The following SELP variants were observed in gnomAD, a reference collection of about 807,000 sequenced individuals.
SELP encodes selectin P, also known as P-selectin.
In SELP, 92 loss-of-function variants were observed where a neutral mutation model predicts 104.1. The ratio of observed to expected loss-of-function variants is 0.88; its 90% confidence interval spans 0.75 to 1.05. The LOEUF (loss-of-function observed/expected upper bound fraction) is 1.05. Ranked by LOEUF, SELP falls within the 50% of genes least tolerant of loss-of-function variation. The probability of loss-of-function intolerance (pLI) is 0.00; values close to 1 mark genes in which losing one functional copy is unlikely to be tolerated. For missense variants in SELP, 1,022 were observed against 1,017.3 expected (o/e 1.00, Z -0.06); for synonymous variants, 397 against 364.5 (o/e 1.09, Z -1.01).
intron 3 of SELP, among the ~76,000 whole-genome samples, chr1:169,615,889 A>G (rs1290051717): frequency 6.6e-6 from 1 of 152,148 alleles, no homozygotes; most frequent in African/African-American, 2.4e-5. Flanking sequence ...TTTAAAATCT[A>G]AAGAATTCAG....
intron 9 of SELP, among the ~76,000 whole-genome samples, chr1:169,604,606 C>T (rs1432573466): frequency 6.6e-6 from 1 of 152,202 alleles, no homozygotes; most frequent in Non-Finnish European, 1.5e-5. Flanking sequence ...TCCCTTCATT[C>T]CTTCCCCTCT....
intron 1 of SELP, among the ~76,000 whole-genome samples, chr1:169,626,228 G>A (rs1003187998): frequency 6.6e-6 from 1 of 152,220 alleles, no homozygotes; most frequent in Non-Finnish European, 1.5e-5. Flanking sequence ...GGTAGTGACA[G>A]ATCACATCGG....
intron 7 of SELP, among the ~76,000 whole-genome samples, chr1:169,610,778 C>T (rs1662482759): frequency 7.1e-6 from 1 of 141,344 alleles, no homozygotes; most frequent in Non-Finnish European, 1.5e-5. Context: ...GACTCTGTCT[C>T]AAAACAAACA....
Position 169,597,103 on chromosome 1 carries a change from A to G in SELP, c.1779T>C (p.Asn593=), listed in dbSNP as rs747978083. ...LDCSDTRGEF[N]VGSTCHFSCD... ...AAGAGAAATGGCAGGTGGAGCCAACATTGAATTCTCCACGAGTGTCAGAAC... is the reference window on the plus strand; with the variant it reads ...AAGAGAAATGGCAGGTGGAGCCAACGTTGAATTCTCCACGAGTGTCAGAAC... The change falls in exon 11 of 17, where the codon AAT becomes AAC. Residue 593 remains asparagine (N), a synonymous_variant. Coordinates refer to ENST00000263686, the MANE Select transcript of SELP (RefSeq NM_003005.4). 4.3e-6 allele frequency: 7 copies of G among 1,613,214 alleles called. No individual in the cohort carries two copies. Among genetic ancestry groups the G allele is most frequent in the Non-Finnish European group, 5.9e-6 (7 of 1,179,634 alleles).
At chr1:169,609,770 C>T in intron 7 of SELP, 81 bp from the exon 8 acceptor site, 1 of 1,291,846 alleles carries the variant, frequency 7.7e-7, no homozygotes, top group Non-Finnish European at 1.1e-6. Context: ...GATGCTATAT[C>T]TTTCCTGTCC....
chr1:169,590,326 G>T, intron 15 of SELP, 124 bp from the exon 16 acceptor site: 2 of 715,792 alleles, frequency 2.8e-6, no homozygotes, highest in Non-Finnish European at 2.4e-6. Flanking sequence ...CTTTAGAAAG[G>T]AAAGAAAAAT....
intron 15 of SELP, 37 bp downstream of exon 15, chr1:169,591,389 G>A (rs781749853): frequency 2.1e-6 from 3 of 1,462,050 alleles, no homozygotes; most frequent in Non-Finnish European, 2.8e-6. Context: ...AGTTAAGGTA[G>A]CAAAATTTAC....
chr1:169,616,667 GA>G (rs1238932617), intron 3 of SELP, among the ~76,000 whole-genome samples: 4 of 151,840 alleles, frequency 2.6e-5, no homozygotes, highest in Non-Finnish European at 5.9e-5. Flanking sequence ...ACACAGGGGT[GA>G]AAAAAAAGCT....
intron 16 of SELP, 61 bp downstream of exon 16, chr1:169,590,086 T>G (rs1296192420): frequency 8.8e-7 from 1 of 1,134,092 alleles, no homozygotes; most frequent in African/African-American, 1.6e-5. Flanking sequence ...TTAAGCTTTA[T>G]AGTCTTCCAT....
chr1:169,613,230 T>A, intron 4 of SELP, 116 bp from the exon 5 acceptor site: 1 of 957,464 alleles, frequency 1.0e-6, no homozygotes, highest in Non-Finnish European at 1.5e-6. Context: ...TCTAAACTTT[T>A]AACCCAAGCT....
intron 1 of SELP, among the ~76,000 whole-genome samples, chr1:169,620,322 T>G (rs1457537375): frequency 6.6e-6 from 1 of 151,834 alleles, no homozygotes; most frequent in African/African-American, 2.4e-5. Flanking sequence ...AATAACACGT[T>G]CAGAATGACA....
chr1:169,594,114 T>C (rs988451529), intron 13 of SELP, among the ~76,000 whole-genome samples: 1 of 152,130 alleles, frequency 6.6e-6, no homozygotes, highest in Non-Finnish European at 1.5e-5. Context: ...AGAATTAGGG[T>C]AAGGTCCCAA....
At chr1:169,606,027 A>G (rs1449139093) in intron 9 of SELP, among the ~76,000 whole-genome samples, 1 of 152,182 alleles carries the variant, frequency 6.6e-6, no homozygotes, top group Non-Finnish European at 1.5e-5. Context: ...GTTAAATATC[A>G]AGTACAAGGC....
At chr1:169,609,711 TAAAGCC>T in intron 7 of SELP, 22 bp from the exon 8 acceptor site, 1 of 1,586,964 alleles carries the variant, frequency 6.3e-7, no homozygotes, top group Non-Finnish European at 8.6e-7. Context: ...AGGTATCTTC[TAAAGCC>T]AGGTAATGGA....
Position 169,611,505 on chromosome 1 carries a change from C to T in SELP, c.1134G>A (p.Leu378=), listed in dbSNP as rs1275950996. The change falls in exon 7 of 17, where the codon TTG becomes TTA. Residue 378 remains leucine, a synonymous_variant. Transcript: ENST00000263686. Reference sequence around the variant, plus strand: ...GAAAAATCCTACCCTCACAGGTTGGCAAGGGTGCAGACCAGTGTCCAGAGT... The same window carrying T: ...GAAAAATCCTACCCTCACAGGTTGGTAAGGGTGCAGACCAGTGTCCAGAGT... ...CIDSGHWSAP[L]PTCEAISCEP... 1 of 1,613,796 alleles carries T rather than the reference C, an allele frequency of 6.2e-7. No individual in the cohort carries two copies. The highest frequency in any genetic ancestry group is 1.1e-5 in the South Asian group (1 of 91,076).
At chr1:169,592,672 T>G (rs907835558) in intron 14 of SELP, among the ~76,000 whole-genome samples, 2 of 152,352 alleles carry the variant, frequency 1.3e-5, no homozygotes, top group Admixed American at 6.5e-5. Flanking sequence ...AACAGTCTGA[T>G]GAACACAGTT....
At chr1:169,592,612 G>A (rs1661405372) in intron 14 of SELP, among the ~76,000 whole-genome samples, 1 of 152,192 alleles carries the variant, frequency 6.6e-6, no homozygotes, top group Admixed American at 6.5e-5. Context: ...AACCTTAAGA[G>A]ATGGGATGTT....
At chr1:169,602,396 G>T (rs934027445) in intron 10 of SELP, among the ~76,000 whole-genome samples, 33 of 152,162 alleles carry the variant, frequency 2.2e-4, no homozygotes, top group African/African-American at 7.5e-4. Context: ...AAGAAATGAA[G>T]AATGTAGCTG....
chr1:169,597,791 G>A (rs1371063901), intron 10 of SELP, among the ~76,000 whole-genome samples: 2 of 152,168 alleles, frequency 1.3e-5, no homozygotes, highest in South Asian at 2.1e-4. Context: ...AAGTGACTTT[G>A]TGTGTTATTG....
Sources: allele counts gnomAD v4.1 joint callset (sites outside exome capture counted in the v4.1 genomes callset), GRCh38; gene constraint gnomAD v4.1.1; transcripts MANE v1.5; gene names NCBI Gene and HGNC (gene_info 2026-07-23, HGNC 2026-07-21).